Variants in NEB observed in about 807,000 individuals in gnomAD.
NEB encodes the protein nebulin, also known as nemaline myopathy type 2.
Under a neutral mutation model 952.2 loss-of-function variants are expected in NEB, and 512 were observed. That is an observed-to-expected ratio of 0.54 (90% CI 0.50 to 0.58). The LOEUF (loss-of-function observed/expected upper bound fraction) is 0.58. NEB is among the 20% of genes least tolerant of loss of function. The pLI, the probability that NEB is intolerant of heterozygous loss-of-function variation, is 0.00. For missense variants in NEB, 8,428 were observed against 9,231.1 expected (o/e 0.91, Z 3.56); for synonymous variants, 2,900 against 3,149.8 (o/e 0.92, Z 2.66).
intron 37 of NEB, 75 bp from the exon 38 acceptor site, chr2:151,671,304 A>G (rs781468248): frequency 5.6e-6 from 7 of 1,243,370 alleles, no homozygotes; most frequent in Middle Eastern, 2.2e-4. Context: ...CTGCAATTCT[A>G]TCCAAGGGAA....
chr2:151,529,353 T>C (rs978467028), intron 145 of NEB, 39 bp from the exon 146 acceptor site: 4 of 1,295,882 alleles, frequency 3.1e-6, no homozygotes, highest in South Asian at 1.2e-5. Flanking sequence ...AATTTTTTTA[T>C]AGCAGCATAC....
At chr2:151,719,091 C>A (rs894424432) in intron 9 of NEB, among the ~76,000 whole-genome samples, 4 of 152,214 alleles carry the variant, frequency 2.6e-5, no homozygotes, top group African/African-American at 7.2e-5. Context: ...TCTCACTCAA[C>A]TTGGCCATTA....
chr2:151,516,429 T>G, intron 157 of NEB, 30 bp downstream of exon 157: 1 of 1,440,280 alleles, frequency 6.9e-7, no homozygotes, highest in Non-Finnish European at 9.8e-7. Context: ...TGATGGATCA[T>G]TGTTGTGTGG....
At position 151,642,670 on chromosome 2, in the gene NEB, C is replaced by T. The variant is rs751972598; in HGVS notation, c.8277G>A (p.Lys2759=). 1.9e-6 allele frequency: 3 copies of T among 1,613,800 alleles called. No homozygotes were observed. Among genetic ancestry groups the T allele is most frequent in the Non-Finnish European group, 2.5e-6 (3 of 1,179,780 alleles). The part of the protein sequence containing the change: ...NKVNYSEKLY[K]LGLEEAKRKG... ...TCCTCTTGGCTTCTTCTAGGCCAAG[C>T]TTATACAATTTCTAAAATAGACATT... Residue 2759 remains lysine, a synonymous_variant, in exon 60 of 182, where the codon AAG becomes AAA. Transcript: ENST00000397345.
chr2:151,636,149 A>C, intron 64 of NEB, 78 bp downstream of exon 64: 1 of 1,227,910 alleles, frequency 8.1e-7, no homozygotes, highest in Non-Finnish European at 1.1e-6. Flanking sequence ...GTCCAGGAAA[A>C]GTTCTTTTCT....
chr2:151,490,038 C>A lies in NEB; in HGVS notation c.25337G>T (p.Arg8446Leu), dbSNP rs751128054. 1 of 1,613,084 alleles carries A rather than the reference C, an allele frequency of 6.2e-7. No individual in the cohort carries two copies. Among genetic ancestry groups the A allele is most frequent in the South Asian group, 1.1e-5 (1 of 90,916 alleles). ...CTGTTGGGTAGCAACTGAAGATGAT[C>A]GTTGTTGTGGGAGCTCTGTGGTTTT... ...HAKTTELPQQ[R>L]SSSVATQQTT... The change falls in exon 181 of 182, where the codon CGA becomes CTA. Residue 8446 changes from arginine to leucine, a missense_variant. Transcript: ENST00000397345.
Position 151,663,586 on chromosome 2 carries a change from AG to A in NEB, c.5724del (p.Phe1909LeufsTer7). 6.2e-7 allele frequency: 1 copy of A among 1,612,478 alleles called. No individual in the cohort carries two copies. The highest frequency in any genetic ancestry group is 1.1e-5 in the South Asian group (1 of 91,030). ...TGCATCATATTTTTGGCCAATTCAA[AG>A]CTCATGGCATCAGGAAGCATGTTGT... is the stretch of plus-strand genomic sequence containing the variant. ...HTYNMLPDAM[S>X]FELAKNMMQI... On this transcript the variant is annotated frameshift_variant, in exon 45 of 182. Coordinates refer to ENST00000397345, the MANE Select transcript of NEB (RefSeq NM_001164508.2). LOFTEE classifies it high-confidence loss of function.
At chr2:151,727,592 T>C in intron 5 of NEB, 99 bp downstream of exon 5, 1 of 1,234,412 alleles carries the variant, frequency 8.1e-7, no homozygotes, top group Admixed American at 2.5e-5. Flanking sequence ...TTCATACAGG[T>C]TTGAGAAACA....
rs1250134831 is a variant in NEB at position 151,592,154 on chromosome 2, A to G, written c.14722-16T>C. 6.3e-5 allele frequency: 98 copies of G among 1,549,530 alleles called. No homozygotes were observed. The highest frequency in any genetic ancestry group is 8.2e-5 in the Non-Finnish European group (94 of 1,146,744). ...GATACAATGGCTGGGAAAAATGAAA[A>G]ACGATGGAATGGTCAATTAGTAAAT... On this transcript the variant is annotated splice_polypyrimidine_tract_variant and intron_variant, in intron 94 of 181. Transcript: ENST00000397345.
intron 7 of NEB, among the ~76,000 whole-genome samples, chr2:151,724,648 T>C (rs951099178): frequency 6.6e-6 from 1 of 152,224 alleles, no homozygotes; most frequent in Admixed American, 6.5e-5. Context: ...GCTGCCTCTT[T>C]GGGCAGGGCA....
chr2:151,726,356 T>C (rs2099790316), intron 5 of NEB, among the ~76,000 whole-genome samples: 1 of 152,230 alleles, frequency 6.6e-6, no homozygotes, highest in African/African-American at 2.4e-5. Context: ...GAAACCTGTC[T>C]TAGATTATTT....
chr2:151,712,150 A>AT (rs1297614717), intron 10 of NEB, among the ~76,000 whole-genome samples: 1 of 152,128 alleles, frequency 6.6e-6, no homozygotes, highest in Non-Finnish European at 1.5e-5. Context: ...CTAATGCATC[A>AT]TTTTTTGGAG....
Position 151,491,755 on chromosome 2 carries a change from T to G in NEB, c.25078A>C (p.Asn8360His). Residue 8360 changes from asparagine to histidine, a missense_variant, in exon 179 of 182, where the codon AAT becomes CAT. Transcript: ENST00000397345. ...TCATAGTCAAAAACCGAACCAGGAT[T>G]AGTACGCCAGACACGTAAACCTGAA... The part of the protein sequence containing the change: ...TITGLRVWRT[N>H]PGSVFDYDPA... 1 of 1,592,502 alleles carries G rather than the reference T, an allele frequency of 6.3e-7. No individual in the cohort carries two copies. The highest frequency in any genetic ancestry group is 8.6e-7 in the Non-Finnish European group (1 of 1,168,626).
intron 28 of NEB, among the ~76,000 whole-genome samples, 190 bp downstream of exon 28, chr2:151,684,588 T>C (rs945088895): frequency 6.6e-6 from 1 of 152,198 alleles, no homozygotes; most frequent in African/African-American, 2.4e-5. Context: ...GAAACAGTGA[T>C]AGGGTGCAAG....
At chr2:151,511,904 G>A (rs936185336) in intron 161 of NEB, among the ~76,000 whole-genome samples, 1 of 151,370 alleles carries the variant, frequency 6.6e-6, no homozygotes, top group African/African-American at 2.4e-5. Flanking sequence ...CATCATAAGA[G>A]ATTTTACATG....
At position 151,576,170 on chromosome 2, in the gene NEB, T is replaced by G; in HGVS notation, c.16889A>C (p.Asn5630Thr). 3 of 1,598,530 alleles carry G rather than the reference T, an allele frequency of 1.9e-6. No homozygotes were observed. Among genetic ancestry groups the G allele is most frequent in the Non-Finnish European group, 2.6e-6 (3 of 1,170,156 alleles). Residue 5630 changes from asparagine (N) to threonine (T), a missense_variant, in exon 106 of 182, where the codon AAT (asparagine) becomes ACT (threonine). Asn to Thr is a moderately conservative substitution (Grantham distance 65, BLOSUM62 0). Coordinates refer to ENST00000397345, the MANE Select transcript of NEB (RefSeq NM_001164508.2). The part of the protein sequence containing the change: ...DTPEVVLAKS[N>T]AENISIPKYR... The stretch of plus-strand genomic sequence containing the variant: ...ACTCACAATACTAATATTTTCAGCA[T>G]TTGATTTAGCAAGGACCACTTCAGG...
Position 151,655,310 on chromosome 2 carries a change from T to C in NEB, c.6767A>G (p.Asp2256Gly), listed in dbSNP as rs373713314. The change falls in exon 51 of 182, where the codon GAT (aspartate) becomes GGT (glycine). Residue 2256 changes from aspartate (D) to glycine (G), a missense_variant. This residue lies in a region of NEB where 2,851 missense variants were observed against 2,791.5 expected (regional missense o/e 1.02). Transcript: ENST00000397345. ...TTGATTCTGCTTGGCTTGTAAAATA[T>C]CTGGTGTATCAGGCATCACATGAAT... is the stretch of plus-strand genomic sequence containing the variant. ...TKIHVMPDTP[D>G]ILQAKQNQTL... is the part of the protein sequence containing the mutation. 10 of 1,600,302 alleles carry C rather than the reference T, an allele frequency of 6.2e-6. No individual in the cohort carries two copies. The highest frequency in any genetic ancestry group is 1.7e-4 in the Middle Eastern group (1 of 6,048).
chr2:151,563,218 T>C (rs1483707759), intron 119 of NEB, among the ~76,000 whole-genome samples: 1 of 152,094 alleles, frequency 6.6e-6, no homozygotes, highest in East Asian at 1.9e-4. Context: ...TTTCACCATG[T>C]TGGCCAGGCC....
Position 151,612,351 on chromosome 2 carries a change from T to C in NEB, c.11640A>G (p.Ile3880Met). ...YKSDLEWLRG[I>M]GWVPIGSVEV... ...CTACAGAGCCAATGGGAACCCATCC[T>C]ATGCCTCTCAGCCACTCAAGATCAG... Residue 3880 changes from isoleucine (I) to methionine (M), a missense_variant, in exon 78 of 182, where the codon ATA becomes ATG. Physicochemically the swap from Ile to Met is conservative, Grantham distance 10. Around this residue, in one of 11 missense-constraint regions of NEB, gnomAD observed 337 missense variants for 297.5 expected, o/e 1.13. Coordinates refer to ENST00000397345, the MANE Select transcript of NEB (RefSeq NM_001164508.2). The C allele has an allele frequency of 1.2e-6, 2 of 1,613,898 alleles. No individual in the cohort carries two copies. The highest frequency in any genetic ancestry group is 2.2e-5 in the South Asian group (2 of 91,080).
Sources: gnomAD v4.1 joint callset for allele counts (sites outside exome capture counted in the v4.1 genomes callset) on GRCh38, gnomAD v4.1.1 for gene constraint, gnomAD v4.1.1 regional missense constraint, MANE v1.5 for transcripts, NCBI Gene and HGNC (gene_info 2026-07-23, HGNC 2026-07-21) for gene names.